TUBG1: variants seen among roughly 807,000 people sequenced by gnomAD.
The protein encoded by TUBG1 is tubulin gamma-1 chain.
Under a neutral mutation model 53.3 loss-of-function variants are expected in TUBG1, and 22 were observed. That is an observed-to-expected ratio of 0.41 (90% confidence interval 0.29 to 0.59). The LOEUF (loss-of-function observed/expected upper bound fraction) is 0.59. Ranked by LOEUF, TUBG1 falls within the 20% of genes least tolerant of loss-of-function variation. TUBG1 has a pLI of 0.26. For missense variants in TUBG1, 217 were observed against 598.9 expected (o/e 0.36, Z 6.66); for synonymous variants, 198 against 236.7 (o/e 0.84, Z 1.50).
chr17:42,611,473 G>A (rs1428717375), intron 3 of TUBG1, among the ~76,000 whole-genome samples: 1 of 152,098 alleles, frequency 6.6e-6, no homozygotes, highest in Non-Finnish European at 1.5e-5. Context: ...TTAGATAAGG[G>A]TATATGGACC....
Position 42,615,029 on chromosome 17 carries a change from C to T in TUBG1, c.1344C>T (p.Thr448=), listed in dbSNP as rs1246342677. The change falls in exon 11 of 11, where the codon ACC becomes ACT. Residue 448 remains threonine (T), a synonymous_variant. Coordinates refer to ENST00000251413, the MANE Select transcript of TUBG1 (RefSeq NM_001070.5). ...GGCCAGACTACATCTCCTGGGGCACCCAGGAGCAGTGAGTCCCCCAGGACA... is the reference window on the plus strand; with the variant it reads ...GGCCAGACTACATCTCCTGGGGCACTCAGGAGCAGTGAGTCCCCCAGGACA... ...ATRPDYISWG[T]QEQ 1.4e-5 allele frequency: 23 copies of T among 1,614,008 alleles called. No homozygotes were observed. The East Asian group carries it at 5.1e-4, about 36-fold the overall frequency.
In TUBG1 at chr17:42,609,786, A is replaced by G; in HGVS notation, c.49A>G (p.Ile17Val). Residue 17 changes from isoleucine (I) to valine (V), a missense_variant and splice_region_variant, in exon 1 of 11, where the codon ATT (isoleucine) becomes GTT (valine). Ile to Val is a conservative substitution (Grantham distance 29). This residue lies in a region of TUBG1 where 57 missense variants were observed against 169.3 expected (regional missense o/e 0.34). Transcript: ENST00000251413. ...TLQLGQCGNQ[I>V]GFEFWKQLCA... ...ACAGTTGGGCCAGTGCGGCAATCAG[A>G]GTGAGCGAAACTCCGGCCCCTCAGC... The G allele has an allele frequency of 6.4e-7, 1 of 1,551,408 alleles. No homozygotes were observed. Among genetic ancestry groups the G allele is most frequent in the South Asian group, 1.2e-5 (1 of 84,038 alleles).
chr17:42,609,922 A>T, intron 1 of TUBG1, 136 bp downstream of exon 1: 1 of 1,375,200 alleles, frequency 7.3e-7, no homozygotes, highest in Non-Finnish European at 9.8e-7. Context: ...CCCAGTGTCC[A>T]CTTGCCCAAC....
rs1303386310 is a variant in TUBG1 at position 42,614,148 on chromosome 17, T to C, written c.844-112T>C. 10 of 1,589,392 alleles carry C rather than the reference T, an allele frequency of 6.3e-6. No individual in the cohort carries two copies. The East Asian group carries it at 1.8e-4, about 29-fold the overall frequency. ...GGGACTGGCACAGAGTGGGCGACTTTCTTGCTGACTTGCTCTCCACCCTCC... is the reference window on the plus strand; with the variant it reads ...GGGACTGGCACAGAGTGGGCGACTTCCTTGCTGACTTGCTCTCCACCCTCC... On this transcript the variant is annotated intron_variant, in intron 8 of 10. Coordinates refer to ENST00000251413, the MANE Select transcript of TUBG1 (RefSeq NM_001070.5). This position sits in a 1 kb window ranked among gnomAD's most constrained non-coding sequence, Gnocchi z 5.1.
At chr17:42,613,124 G>C (rs746508313) in intron 6 of TUBG1, 51 bp downstream of exon 6, 1 of 1,588,632 alleles carries the variant, frequency 6.3e-7, no homozygotes, top group South Asian at 1.1e-5. Flanking sequence ...ATACCCACTC[G>C]AGTCTATTAA....
chr17:42,615,015 A>G lies in TUBG1; in HGVS notation c.1330A>G (p.Ile444Val), dbSNP rs754171572. The change falls in exon 11 of 11, where the codon ATC becomes GTC. Residue 444 changes from isoleucine to valine, a missense_variant. Transcript: ENST00000251413. ...CCATGCGGCCACACGGCCAGACTAC[A>G]TCTCCTGGGGCACCCAGGAGCAGTG... The part of the protein sequence containing the change: ...EYHAATRPDY[I>V]SWGTQEQ The G allele has an allele frequency of 1.2e-6, 2 of 1,614,014 alleles. No homozygotes were observed. The highest frequency in any genetic ancestry group is 1.7e-6 in the Non-Finnish European group (2 of 1,179,974).
Position 42,612,477 on chromosome 17 carries a change from T to C in TUBG1, c.450T>C (p.Gly150=). The change falls in exon 5 of 11, where the codon GGT becomes GGC. Residue 150 remains glycine (G), a synonymous_variant. Coordinates refer to ENST00000251413, the MANE Select transcript of TUBG1 (RefSeq NM_001070.5). ...SIAGGTGSGL[G]SYLLERLNDR... is the part of the protein sequence containing the mutation. ...CTGGGGGGACAGGCTCTGGACTGGG[T>C]TCCTACCTCTTAGAACGGCTGAATG... 6.2e-7 allele frequency: 1 copy of C among 1,613,960 alleles called. No homozygotes were observed. The highest frequency in any genetic ancestry group is 8.5e-7 in the Non-Finnish European group (1 of 1,179,974).
intron 5 of TUBG1, 58 bp downstream of exon 5, chr17:42,612,564 G>C: frequency 1.3e-6 from 2 of 1,503,030 alleles, no homozygotes; most frequent in Non-Finnish European, 9.3e-7. Context: ...AAATGACTAG[G>C]GGACCCAGCA....
chr17:42,612,537 C>G, intron 5 of TUBG1, 31 bp downstream of exon 5: 1 of 1,609,072 alleles, frequency 6.2e-7, no homozygotes, highest in Non-Finnish European at 8.5e-7. Context: ...TAGGAAAGGT[C>G]TCCAACTTGG....
Position 42,614,005 on chromosome 17 carries a change from G to GC in TUBG1, c.843+8dup. On this transcript the variant is annotated splice_region_variant and intron_variant, in intron 8 of 10. Coordinates refer to ENST00000251413, the MANE Select transcript of TUBG1 (RefSeq NM_001070.5). The surrounding 1 kb of genome is among the most constrained non-coding windows in gnomAD (Gnocchi z 5.1). ...TCTCACTACGGACCAGTCAGTAAGA[G>GC]CAGCCTTCAGTGTCCCAGGCCAGGC... 1 of 1,614,162 alleles carries GC rather than the reference G, an allele frequency of 6.2e-7. No homozygotes were observed. Among genetic ancestry groups the GC allele is most frequent in the South Asian group, 1.1e-5 (1 of 91,086 alleles).
chr17:42,614,119 C>G lies in TUBG1; in HGVS notation c.843+121C>G, dbSNP rs1278419890. 4.4e-6 allele frequency: 7 copies of G among 1,585,270 alleles called. No individual in the cohort carries two copies. Among genetic ancestry groups the G allele is most frequent in the Non-Finnish European group, 6.0e-6 (7 of 1,164,568 alleles). ...CCTTTGTGGACCCCAAGGCGCGGCG[C>G]TCAGGGACTGGCACAGAGTGGGCGA... On this transcript the variant is annotated intron_variant, in intron 8 of 10. Coordinates refer to ENST00000251413, the MANE Select transcript of TUBG1 (RefSeq NM_001070.5). This position sits in a 1 kb window ranked among gnomAD's most constrained non-coding sequence, Gnocchi z 5.1.
At position 42,614,233 on chromosome 17, in the gene TUBG1, C is replaced by G. The variant is rs376735878; in HGVS notation, c.844-27C>G. 2 of 1,613,720 alleles carry G rather than the reference C, an allele frequency of 1.2e-6. 1 individual carries two copies. Among genetic ancestry groups the G allele is most frequent in the Non-Finnish European group, 1.7e-6 (2 of 1,179,770 alleles). On this transcript the variant is annotated intron_variant, in intron 8 of 10. Transcript: ENST00000251413. This position sits in a 1 kb window ranked among gnomAD's most constrained non-coding sequence, Gnocchi z 5.1. ...GGGGGACTGTGCCCTGAGCGCTGGC[C>G]GGGTCCCTGTCTCACTGTCCTATCA...
rs147522222 is a variant in TUBG1 at position 42,613,709 on chromosome 17, A to G, written c.669A>G (p.Pro223=). The G allele has an allele frequency of 5.8e-5, 94 of 1,613,912 alleles. No homozygotes were observed. The highest frequency in any genetic ancestry group is 4.0e-4 in the African/African-American group (30 of 74,940). ...CAGACCGCCTGCACATCCAGAACCCATCCTTCTCCCAGATCAACCAGCTGG... is the reference window on the plus strand; with the variant it reads ...CAGACCGCCTGCACATCCAGAACCCGTCCTTCTCCCAGATCAACCAGCTGG... ...IATDRLHIQN[P]SFSQINQLVS... The change falls in exon 7 of 11, where the codon CCA becomes CCG. Residue 223 remains proline (P), a synonymous_variant. Transcript: ENST00000251413.
In TUBG1 at chr17:42,609,776, C is replaced by T; in HGVS notation, c.39C>T (p.Cys13=). 6.4e-7 allele frequency: 1 copy of T among 1,551,358 alleles called. No homozygotes were observed. Among genetic ancestry groups the T allele is most frequent in the Non-Finnish European group, 8.7e-7 (1 of 1,146,820 alleles). The change falls in exon 1 of 11, where the codon TGC becomes TGT. Residue 13 remains cysteine, a synonymous_variant. Coordinates refer to ENST00000251413, the MANE Select transcript of TUBG1 (RefSeq NM_001070.5). ...TCATCACCCTACAGTTGGGCCAGTG[C>T]GGCAATCAGAGTGAGCGAAACTCCG... ...REIITLQLGQ[C]GNQIGFEFWK...
rs1056092961 is a variant in TUBG1 at position 42,614,170 on chromosome 17, C to T, written c.844-90C>T. On this transcript the variant is annotated intron_variant, in intron 8 of 10. Coordinates refer to ENST00000251413, the MANE Select transcript of TUBG1 (RefSeq NM_001070.5). This position sits in a 1 kb window ranked among gnomAD's most constrained non-coding sequence, Gnocchi z 5.1. ...CTTTCTTGCTGACTTGCTCTCCACCCTCCCTCTGCCTTTGGCTTCTGCCAA... is the reference window on the plus strand; with the variant it reads ...CTTTCTTGCTGACTTGCTCTCCACCTTCCCTCTGCCTTTGGCTTCTGCCAA... 1.9e-6 allele frequency: 3 copies of T among 1,599,728 alleles called. No homozygotes were observed. Among genetic ancestry groups the T allele is most frequent in the Non-Finnish European group, 2.6e-6 (3 of 1,171,268 alleles).
rs1439264061 is a variant in TUBG1 at position 42,609,690 on chromosome 17, G to T, written c.-48G>T. ...TCTTGCGGCGAGCGGGCTGGCGTGC[G>T]GCGCCGTTGCGGGCGGGAGCGGCTG... On this transcript the variant is annotated 5_prime_UTR_variant, in exon 1 of 11. Coordinates refer to ENST00000251413, the MANE Select transcript of TUBG1 (RefSeq NM_001070.5). 4 of 1,532,184 alleles carry T rather than the reference G, an allele frequency of 2.6e-6. No homozygotes were observed. 94.9% of individuals were successfully genotyped at this position (1,532,184 alleles called of 1,614,324 possible).
intron 6 of TUBG1, 109 bp downstream of exon 6, chr17:42,613,182 G>C (rs1166470238): frequency 6.7e-6 from 10 of 1,490,400 alleles, no homozygotes; most frequent in Non-Finnish European, 8.1e-6. Context: ...AGGTGCAGTG[G>C]CTCATGACTG....
intron 3 of TUBG1, 90 bp downstream of exon 3, chr17:42,610,680 A>T: frequency 6.3e-7 from 1 of 1,575,672 alleles, no homozygotes; most frequent in Admixed American, 1.8e-5. Context: ...CGGATCAGGG[A>T]TGTATGAATG....
chr17:42,613,698 A>C lies in TUBG1; in HGVS notation c.658A>C (p.Ile220Leu). The C allele has an allele frequency of 6.2e-7, 1 of 1,614,010 alleles. No individual in the cohort carries two copies. Among genetic ancestry groups the C allele is most frequent in the Non-Finnish European group, 8.5e-7 (1 of 1,179,984 alleles). Residue 220 changes from isoleucine to leucine, a missense_variant, in exon 7 of 11, where the codon ATC (isoleucine) becomes CTC (leucine). By Grantham distance (5) the Ile-to-Leu change is conservative. Coordinates refer to ENST00000251413, the MANE Select transcript of TUBG1 (RefSeq NM_001070.5). ...LNRIATDRLHIQNPSFSQINQ... is the reference protein window; with the variant it reads ...LNRIATDRLHLQNPSFSQINQ... ...CCGGATTGCCACAGACCGCCTGCACATCCAGAACCCATCCTTCTCCCAGAT... is the reference window on the plus strand; with the variant it reads ...CCGGATTGCCACAGACCGCCTGCACCTCCAGAACCCATCCTTCTCCCAGAT...
Sources: gnomAD v4.1 joint callset for allele counts (sites outside exome capture counted in the v4.1 genomes callset) on GRCh38, gnomAD v4.1.1 for gene constraint, gnomAD v4.1.1 regional missense constraint, Gnocchi (gnomAD v3.1) non-coding constraint, MANE v1.5 for transcripts, NCBI Gene and HGNC (gene_info 2026-07-23, HGNC 2026-07-21) for gene names.